Variants in PLAC9 observed in about 807,000 individuals in gnomAD.
PLAC9 encodes the protein placenta-specific protein 9.
Under a neutral mutation model 11.5 loss-of-function variants are expected in PLAC9, and 12 were observed. The observed-to-expected ratio is 1.05, with a 90% CI of 0.67 to 1.69. The LOEUF is 1.69. Among genes scored for constraint, PLAC9 ranks in the 40% most tolerant of loss-of-function variants. The pLI, the probability that PLAC9 is intolerant of heterozygous loss-of-function variation, is 0.00. For missense variants in PLAC9, 132 were observed against 130.5 expected, an observed-to-expected ratio of 1.01 and a Z score of -0.06; for synonymous variants, 62 against 58.1, an observed-to-expected ratio of 1.07 and a Z score of -0.31.
chr10:80,138,373 A>T (rs1845002262), intron 1 of PLAC9, among the ~76,000 whole-genome samples: 1 of 152,140 alleles, frequency 6.6e-6, no homozygotes, highest in Admixed American at 6.5e-5. Context: ...AAAATAACCA[A>T]AGGGCCATTA....
rs1410635870 is a variant in PLAC9 at position 80,145,271 on chromosome 10, C to A, written c.*361C>A. On this transcript the variant is annotated 3_prime_UTR_variant, in exon 4 of 4. Transcript: ENST00000372263. The stretch of plus-strand genomic sequence containing the variant: ...AAGGGGATCAGGGTCTCAGGACCCA[C>A]CCAGACTGTTTAATCCAAATCTGCA... 1.9e-5 allele frequency: 8 copies of A among 416,470 alleles called. No individual in the cohort carries two copies. Among genetic ancestry groups the A allele is most frequent in the Non-Finnish European group, 3.4e-5 (8 of 234,226 alleles). 25.8% of individuals were successfully genotyped at this position (416,470 alleles called of 1,614,324 possible).
intron 2 of PLAC9, among the ~76,000 whole-genome samples, chr10:80,142,403 A>G (rs1845050980): frequency 6.6e-6 from 1 of 151,992 alleles, no homozygotes; most frequent in Admixed American, 6.6e-5. Context: ...CGGATATTTC[A>G]ACATCATTAC....
At chr10:80,139,012 C>T (rs1162931578) in intron 1 of PLAC9, among the ~76,000 whole-genome samples, 2 of 142,990 alleles carry the variant, frequency 1.4e-5, no homozygotes, top group African/African-American at 5.5e-5. Context: ...AGTGCAGTGG[C>T]GCGATCTCCA....
At chr10:80,143,047 T>TA (rs1423965663) in intron 2 of PLAC9, among the ~76,000 whole-genome samples, 1 of 117,366 alleles carries the variant, frequency 8.5e-6, no homozygotes, top group Non-Finnish European at 1.9e-5. Flanking sequence ...ATCAAAAATT[T>TA]AAATTTTTTT....
chr10:80,136,277 C>T (rs542066026), intron 1 of PLAC9, among the ~76,000 whole-genome samples: 24 of 152,218 alleles, frequency 1.6e-4, no homozygotes, highest in African/African-American at 5.3e-4. Flanking sequence ...GAGAAAACAA[C>T]GCAGCATCCA....
intron 2 of PLAC9, among the ~76,000 whole-genome samples, chr10:80,143,389 ATTTTTTTT>A (rs560963413): frequency 3.2e-4 from 29 of 89,938 alleles, no homozygotes; most frequent in African/African-American, 9.0e-4. Flanking sequence ...AAATACTTGA[ATTTTTTTT>A]TTTTTTTTTT....
rs1433307342 is a variant in PLAC9, at chr10:80,132,769, CCCCTGCTCTGCGCGCTGACCGGACTGG to C, written c.16_42del (p.Cys6_Leu14del). 2.7e-6 allele frequency: 4 copies of C among 1,487,878 alleles called. No individual in the cohort carries two copies. The East Asian group carries it at 1.1e-4, about 42-fold the overall frequency. 92.2% of individuals were successfully genotyped at this position (1,487,878 alleles called of 1,614,324 possible). ...GCTCGGCCAGGCCGGCACCATGCGG[CCCCTGCTCTGCGCGCTGACCGGACTGG>C]CCCTGCTCCGCGCCGCGGGCTCTTT... On this transcript the variant is annotated inframe_deletion, in exon 1 of 4. Coordinates refer to ENST00000372263, the MANE Select transcript of PLAC9 (RefSeq NM_001012973.3).
At chr10:80,132,702 G>C (rs1409147261), upstream of PLAC9, 2 of 1,371,276 alleles carry the variant, frequency 1.5e-6, no homozygotes, top group Non-Finnish European at 1.9e-6. Flanking sequence ...GGCCGGCCGG[G>C]TGCGATCCGG....
chr10:80,141,578 G>A (rs1336807333), intron 1 of PLAC9, among the ~76,000 whole-genome samples: 2 of 151,992 alleles, frequency 1.3e-5, no homozygotes, highest in Non-Finnish European at 2.9e-5. Flanking sequence ...CAGCCTGGGC[G>A]ACAGAGCGAG....
At chr10:80,137,332 C>G (rs1844990535) in intron 1 of PLAC9, among the ~76,000 whole-genome samples, 1 of 152,180 alleles carries the variant, frequency 6.6e-6, no homozygotes, top group African/African-American at 2.4e-5. Context: ...GTTCTGACTT[C>G]CAAAGCAGCC....
chr10:80,140,892 C>T (rs578092941), intron 1 of PLAC9, among the ~76,000 whole-genome samples: 3 of 152,286 alleles, frequency 2.0e-5, no homozygotes, highest in East Asian at 1.9e-4. Flanking sequence ...GCCTCTTCAG[C>T]CCCCATTTCT....
chr10:80,144,500 T>C (rs1845078344), intron 3 of PLAC9, among the ~76,000 whole-genome samples, 157 bp downstream of exon 3: 1 of 151,900 alleles, frequency 6.6e-6, no homozygotes, highest in Non-Finnish European at 1.5e-5. Context: ...GCATCATCCC[T>C]GCTCCCCGCC....
upstream of PLAC9, chr10:80,132,670 G>A: frequency 9.0e-7 from 1 of 1,114,982 alleles, no homozygotes; most frequent in Non-Finnish European, 1.2e-6. Flanking sequence ...ATTTTGGCTC[G>A]AACTGAGTGC....
chr10:80,132,485 G>C, upstream of PLAC9: 1 of 399,858 alleles, frequency 2.5e-6, no homozygotes, highest in South Asian at 5.0e-5. Flanking sequence ...CTTCCCTCCC[G>C]GGCTCCCAGG....
chr10:80,142,372 A>G (rs537416713), intron 2 of PLAC9, among the ~76,000 whole-genome samples, 193 bp downstream of exon 2: 2 of 152,140 alleles, frequency 1.3e-5, no homozygotes, highest in South Asian at 4.2e-4. Context: ...TGCCTCCCCT[A>G]AGGCCTTGCT....
chr10:80,142,093 T>C lies in PLAC9; in HGVS notation c.76T>C (p.Phe26Leu), dbSNP rs1302102246. 6.2e-7 allele frequency: 1 copy of C among 1,610,116 alleles called. No homozygotes were observed. Among genetic ancestry groups the C allele is most frequent in the Non-Finnish European group, 8.5e-7 (1 of 1,177,062 alleles). The change falls in exon 2 of 4, where the codon TTC becomes CTC. Residue 26 changes from phenylalanine (F) to leucine (L), a missense_variant. Transcript: ENST00000372263. The part of the protein sequence containing the change: ...AAGSLAAAEP[F>L]SPPRGDSAQS... ...TTGTTTTCCCACAGCTGCCGAACCC[T>C]TCAGCCCTCCGCGAGGAGACTCAGC...
rs189575172 is a variant in PLAC9 at position 80,137,643 on chromosome 10, G to A, written c.65-4439G>A. 2.9e-3 allele frequency among the ~76,000 whole-genome samples: 448 copies of A among 152,294 alleles called. 13 individuals are homozygous for A. Among genetic ancestry groups the A allele is most frequent in the Admixed American group, 0.026 (400 of 15,304 alleles). On this transcript the variant is annotated intron_variant, in intron 1 of 3. Coordinates refer to ENST00000372263, the MANE Select transcript of PLAC9 (RefSeq NM_001012973.3). Reference sequence around the variant, plus strand: ...AAATTTGGAGTCCCAGACTGGGTGCGGTTGTTCACTCCTATAATCCCAGCA... The same window carrying A: ...AAATTTGGAGTCCCAGACTGGGTGCAGTTGTTCACTCCTATAATCCCAGCA...
At position 80,134,956 on chromosome 10, in the gene PLAC9, T is replaced by G. The variant is rs552867191; in HGVS notation, c.64+2130T>G. Among the ~76,000 whole-genome samples the G allele has an allele frequency of 2.0e-5, 3 of 152,350 alleles. No homozygotes were observed. The South Asian group carries it at 6.2e-4, about 32-fold the overall frequency. The stretch of plus-strand genomic sequence containing the variant: ...TTAAATACCTCCACCCCTTATATTT[T>G]CTATAAATTGAGAGCTATCTCTAGC... On this transcript the variant is annotated intron_variant, in intron 1 of 3. Transcript: ENST00000372263.
chr10:80,139,721 G>A (rs1374281347), intron 1 of PLAC9, among the ~76,000 whole-genome samples: 7 of 151,924 alleles, frequency 4.6e-5, no homozygotes, highest in Admixed American at 4.6e-4. Context: ...TGGTGTAAAT[G>A]TTCTCATCAT....
Sources: gnomAD v4.1 joint callset for allele counts (sites outside exome capture counted in the v4.1 genomes callset) on GRCh38, gnomAD v4.1.1 for gene constraint, MANE v1.5 for transcripts, NCBI Gene and HGNC (gene_info 2026-07-23, HGNC 2026-07-21) for gene names.